VPS13D: variants seen among roughly 807,000 people sequenced by gnomAD.
VPS13D encodes the protein vacuolar protein sorting 13 homolog D.
Under a neutral mutation model 461.9 loss-of-function variants are expected in VPS13D, and 187 were observed. The observed-to-expected ratio is 0.40, with a 90% CI of 0.36 to 0.46. The LOEUF (loss-of-function observed/expected upper bound fraction) is 0.46, where lower values mean the gene tolerates loss of function less well. Among genes scored for constraint, VPS13D ranks in the 20% least tolerant of loss-of-function variants. The pLI is 0.60. For synonymous variants in VPS13D, 1,951 were observed against 1,986.3 expected (o/e 0.98, Z 0.47); for missense variants, 4,711 against 5,364.9 (o/e 0.88, Z 3.81).
intron 67 of VPS13D, among the ~76,000 whole-genome samples, chr1:12,493,329 A>G (rs1645911771): frequency 6.6e-6 from 1 of 152,172 alleles, no homozygotes; most frequent in East Asian, 1.9e-4. Context: ...AAAAATATAA[A>G]AAAATTAGCT....
At chr1:12,504,000 G>A (rs777070442) in intron 68 of VPS13D, among the ~76,000 whole-genome samples, 3 of 152,118 alleles carry the variant, frequency 2.0e-5, no homozygotes, top group East Asian at 1.9e-4. Flanking sequence ...GGCGGGGAGC[G>A]TGCCGCGTTT....
At chr1:12,250,971 G>T (rs1640716506) in intron 6 of VPS13D, among the ~76,000 whole-genome samples, 1 of 9,202 alleles carries the variant, frequency 1.1e-4, no homozygotes, top group Non-Finnish European at 2.4e-4. Context: ...GTGGAGTAGT[G>T]TAGTTGCAGC....
At chr1:12,388,199 A>G (rs1296537480) in intron 60 of VPS13D, among the ~76,000 whole-genome samples, 1 of 152,216 alleles carries the variant, frequency 6.6e-6, no homozygotes, top group Non-Finnish European at 1.5e-5. Context: ...TGAATGTAGA[A>G]TTATAAAGAT....
intron 67 of VPS13D, among the ~76,000 whole-genome samples, chr1:12,462,867 C>T (rs1227167871): frequency 6.6e-6 from 1 of 152,176 alleles, no homozygotes; most frequent in Admixed American, 6.5e-5. Context: ...AGACCATGCC[C>T]TCATGAAGGC....
At chr1:12,437,847 C>A (rs1361918643) in intron 65 of VPS13D, among the ~76,000 whole-genome samples, 4 of 152,142 alleles carry the variant, frequency 2.6e-5, no homozygotes, top group Non-Finnish European at 4.4e-5. Context: ...TCCCTGCGCT[C>A]AAAAATTACA....
chr1:12,343,024 T>C lies in VPS13D; in HGVS notation c.8858T>C (p.Phe2953Ser), dbSNP rs780703518. The change falls in exon 42 of 70, where the codon TTT becomes TCT. Residue 2953 changes from phenylalanine to serine, a missense_variant. Transcript: ENST00000620676. ...ACAGGTGAAGAGATTCCCTTTGAAT[T>C]TGAAGCAAGAGGAAAGTTAAGACAC... ...VLTGEEIPFE[F>S]EARGKLRHRH... The C allele has an allele frequency of 1.2e-5, 20 of 1,613,066 alleles. No individual in the cohort carries two copies. The highest frequency in any genetic ancestry group is 1.6e-5 in the Non-Finnish European group (19 of 1,179,334).
In VPS13D at chr1:12,293,696, G is replaced by A; in HGVS notation, c.6025G>A (p.Gly2009Arg). The change falls in exon 24 of 70, where the codon GGG (glycine) becomes AGG (arginine). Residue 2009 changes from glycine to arginine, a missense_variant. Physicochemically the swap from Gly to Arg is moderately radical, Grantham distance 125. Transcript: ENST00000620676. ...VLGRQRAAIE[G>R]QTVRDQAQRC... ...AGGGCGCCAGCGAGCTGCTATTGAG[G>A]GGCAGACGGTAGGTAGCCTGGGCCC... The A allele has an allele frequency of 6.2e-7, 1 of 1,613,482 alleles. No individual in the cohort carries two copies. The highest frequency in any genetic ancestry group is 1.1e-5 in the South Asian group (1 of 90,944).
intron 37 of VPS13D, among the ~76,000 whole-genome samples, chr1:12,331,547 A>G (rs988567040): frequency 6.6e-6 from 1 of 151,490 alleles, no homozygotes. Flanking sequence ...CTCTACTAAA[A>G]AAAAAATACA....
Position 12,304,750 on chromosome 1 carries a change from A to G in VPS13D, c.6439+22A>G, listed in dbSNP as rs763267722. ...CCAGGTAAAAGAGGAGAAAAGCAAC[A>G]TAATACTGAAGGTGGGGAAATTCAC... On this transcript the variant is annotated intron_variant, in intron 26 of 69. Coordinates refer to ENST00000620676, the MANE Select transcript of VPS13D (RefSeq NM_015378.4). The G allele has an allele frequency of 5.0e-6, 8 of 1,611,526 alleles. No homozygotes were observed. The East Asian group carries it at 1.6e-4, about 31-fold the overall frequency.
chr1:12,413,282 G>T (rs1480036415), intron 63 of VPS13D, among the ~76,000 whole-genome samples: 1 of 151,532 alleles, frequency 6.6e-6, no homozygotes, highest in African/African-American at 2.4e-5. Flanking sequence ...CTTGAGGCCA[G>T]GAGTTGAGCA....
At position 12,464,171 on chromosome 1, in the gene VPS13D, T is replaced by C. The variant is rs538762503; in HGVS notation, c.12662+3775T>C. Among the ~76,000 whole-genome samples the C allele has an allele frequency of 3.3e-4, 50 of 152,272 alleles. 2 individuals are homozygous for C. The South Asian group carries it at 6.0e-3, about 18-fold the overall frequency. On this transcript the variant is annotated intron_variant, in intron 67 of 69. Transcript: ENST00000620676. ...TTATAACCATCTCCAACCATCCCGGTTGATTGAACAGGATCCAGGGGTGTT... is the reference window on the plus strand; with the variant it reads ...TTATAACCATCTCCAACCATCCCGGCTGATTGAACAGGATCCAGGGGTGTT...
At chr1:12,230,801 G>A (rs1159842168) in intron 1 of VPS13D, among the ~76,000 whole-genome samples, 1 of 151,950 alleles carries the variant, frequency 6.6e-6, no homozygotes, top group Non-Finnish European at 1.5e-5. Flanking sequence ...TCACGCCCTG[G>A]CCCAGCCACT....
chr1:12,258,011 G>A lies in VPS13D; in HGVS notation c.1018G>A (p.Asp340Asn). Residue 340 changes from aspartate (D) to asparagine (N), a missense_variant, in exon 10 of 70, where the codon GAC becomes AAC. Physicochemically the swap from Asp to Asn is conservative, Grantham distance 23 (BLOSUM62 1). This residue lies in a region of VPS13D where 4,411 missense variants were observed against 4,937.8 expected (regional missense o/e 0.89). Coordinates refer to ENST00000620676, the MANE Select transcript of VPS13D (RefSeq NM_015378.4). ...IREQRKRCTWDFMLHRARDAV... is the reference protein window; with the variant it reads ...IREQRKRCTWNFMLHRARDAV... ...AGAGCAGAGGAAACGTTGCACCTGGGACTTTATGTTGCACCGCGCTCGTGA... is the reference window on the plus strand; with the variant it reads ...AGAGCAGAGGAAACGTTGCACCTGGAACTTTATGTTGCACCGCGCTCGTGA... 1.2e-6 allele frequency: 2 copies of A among 1,614,164 alleles called. No individual in the cohort carries two copies. The highest frequency in any genetic ancestry group is 1.7e-6 in the Non-Finnish European group (2 of 1,180,034).
rs752803070 is a variant in VPS13D, at chr1:12,282,801, T to G, written c.4699T>G (p.Ser1567Ala). 6.2e-7 allele frequency: 1 copy of G among 1,614,140 alleles called. No individual in the cohort carries two copies. The highest frequency in any genetic ancestry group is 1.1e-5 in the South Asian group (1 of 91,076). The change falls in exon 21 of 70, where the codon TCC becomes GCC. Residue 1567 changes from serine (S) to alanine (A), a missense_variant. Coordinates refer to ENST00000620676, the MANE Select transcript of VPS13D (RefSeq NM_015378.4). ...DLNKYPASAT[S>A]SPCPDSPLPP... Reference sequence around the variant, plus strand: ...GAATAAGTATCCAGCCAGTGCTACCTCCTCCCCTTGCCCTGATTCTCCTCT... The same window carrying G: ...GAATAAGTATCCAGCCAGTGCTACCGCCTCCCCTTGCCCTGATTCTCCTCT...
intron 2 of VPS13D, among the ~76,000 whole-genome samples, chr1:12,242,237 A>C (rs1449900793): frequency 6.6e-6 from 1 of 152,230 alleles, no homozygotes; most frequent in African/African-American, 2.4e-5. Flanking sequence ...CGTTTAGATG[A>C]AGCGTATGGG....
chr1:12,340,431 TTACAG>T (rs1643543633), intron 40 of VPS13D, among the ~76,000 whole-genome samples: 1 of 152,166 alleles, frequency 6.6e-6, no homozygotes, highest in Non-Finnish European at 1.5e-5. Context: ...TTTGCATTGT[TTACAG>T]TACTAACCTT....
intron 17 of VPS13D, 119 bp downstream of exon 17, chr1:12,271,243 T>C: frequency 7.8e-7 from 1 of 1,281,034 alleles, no homozygotes; most frequent in Non-Finnish European, 1.1e-6. Context: ...CTGAGTAAAC[T>C]GAAAATATTA....
At chr1:12,471,237 G>A (rs1645558685) in intron 67 of VPS13D, among the ~76,000 whole-genome samples, 1 of 152,160 alleles carries the variant, frequency 6.6e-6, no homozygotes, top group South Asian at 2.1e-4. Context: ...GGAGGCAGAG[G>A]TTGCAGTGAG....
intron 63 of VPS13D, among the ~76,000 whole-genome samples, chr1:12,411,564 A>G (rs1416600959): frequency 6.6e-6 from 1 of 151,918 alleles, no homozygotes; most frequent in African/African-American, 2.4e-5. Context: ...AGGGAGGGAG[A>G]GAAAGAAAAC....
Sources: allele counts gnomAD v4.1 joint callset (sites outside exome capture counted in the v4.1 genomes callset), GRCh38; gene constraint gnomAD v4.1.1; regional missense constraint gnomAD v4.1.1; transcripts MANE v1.5; gene names NCBI Gene and HGNC (gene_info 2026-07-23, HGNC 2026-07-21).